PLSCR2: variants seen among roughly 807,000 people sequenced by gnomAD.
PLSCR2 encodes the protein PL scramblase 2.
In PLSCR2, 18 loss-of-function variants were observed where a neutral mutation model predicts 25.3. The observed-to-expected ratio is 0.71, with a 90% CI of 0.49 to 1.06. The LOEUF (loss-of-function observed/expected upper bound fraction) is 1.06. Ranked by LOEUF, PLSCR2 falls within the 50% of genes least tolerant of loss-of-function variation. The probability of loss-of-function intolerance (pLI) is 0.00; values close to 1 mark genes in which losing one functional copy is unlikely to be tolerated. For synonymous variants in PLSCR2, 88 were observed against 87.3 expected, an observed-to-expected ratio of 1.01 and a Z score of -0.04; for missense variants, 243 against 269.5, an observed-to-expected ratio of 0.90 and a Z score of 0.69.
intron 2 of PLSCR2, among the ~76,000 whole-genome samples, chr3:146,415,411 G>A (rs1404719320): frequency 2.6e-5 from 4 of 151,804 alleles, no homozygotes; most frequent in African/African-American, 7.3e-5. Context: ...GTTTTGTCTT[G>A]TCTCTATTGT....
rs1308599410 is a variant in PLSCR2, at chr3:146,483,472, T to C, written c.-293+12423A>G. Among the ~76,000 whole-genome samples the C allele has an allele frequency of 4.9e-4, 24 of 48,898 alleles. 1 individual carries two copies. Among genetic ancestry groups the C allele is most frequent in the South Asian group, 2.3e-3 (3 of 1,318 alleles). 32.1% of individuals were successfully genotyped at this position (48,898 alleles called of 152,430 possible). On this transcript the variant is annotated intron_variant, in intron 1 of 8. Coordinates refer to the PLSCR2 transcript ENST00000336685. ...ATGTATGTATATATATATATATATA[T>C]ACATGTGTATATATATATATATATA...
Position 146,406,168 on chromosome 3 carries a change from A to G in PLSCR2, c.101-10247T>C, listed in dbSNP as rs369549923. ...ATGAGAAGCACAAGTTATGGAATGA[A>G]GATGTGGTTGATCTCTTAGAGCAGG... On this transcript the variant is annotated intron_variant and NMD_transcript_variant, in intron 2 of 3. Coordinates refer to the PLSCR2 transcript ENST00000463633. Among the ~76,000 whole-genome samples, 4 of 152,342 alleles carry G rather than the reference A, an allele frequency of 2.6e-5. No homozygotes were observed. The East Asian group carries it at 5.8e-4, about 22-fold the overall frequency.
chr3:146,395,120 A>G (rs1050675403), intron 3 of PLSCR2, among the ~76,000 whole-genome samples: 1 of 152,196 alleles, frequency 6.6e-6, no homozygotes, highest in African/African-American at 2.4e-5. Flanking sequence ...TAATACAATG[A>G]CATTAAGTGA....
intron 1 of PLSCR2, among the ~76,000 whole-genome samples, chr3:146,474,002 T>C (rs1483940246): frequency 6.6e-6 from 1 of 152,222 alleles, no homozygotes; most frequent in Non-Finnish European, 1.5e-5. Context: ...TCCAGCCTCC[T>C]TTCTCTGTTA....
rs550373825 is a variant in PLSCR2 at position 146,408,519 on chromosome 3, T to A, written c.101-12598A>T. The stretch of plus-strand genomic sequence containing the variant: ...AGCTGCCTGTGTTGCTTGTTTCTGT[T>A]TTTTTTAAGAAAACTTTCGATTGTC... On this transcript the variant is annotated intron_variant and NMD_transcript_variant, in intron 2 of 3. Coordinates refer to the PLSCR2 transcript ENST00000463633. 4.6e-5 allele frequency among the ~76,000 whole-genome samples: 7 copies of A among 152,236 alleles called. No homozygotes were observed. In the East Asian group the frequency reaches 9.7e-4, roughly 21 times the overall value.
At chr3:146,479,371 G>T (rs990624206) in intron 1 of PLSCR2, among the ~76,000 whole-genome samples, 1 of 152,098 alleles carries the variant, frequency 6.6e-6, no homozygotes, top group Non-Finnish European at 1.5e-5. Context: ...GACACACATA[G>T]GCTCAAAATA....
At chr3:146,421,557 T>G (rs575951019) in intron 2 of PLSCR2, among the ~76,000 whole-genome samples, 27 of 152,206 alleles carry the variant, frequency 1.8e-4, no homozygotes, top group Non-Finnish European at 2.9e-4. Flanking sequence ...AATGGCTATC[T>G]GACAGGTAAG....
At chr3:146,455,274 A>C in exon 4 of PLSCR2, 1 of 1,614,042 alleles carries the variant, frequency 6.2e-7, no homozygotes, top group Non-Finnish European at 8.5e-7. Context: ...CAACAGTTAC[A>C]TCTTAGTGGT....
chr3:146,489,061 C>G lies in PLSCR2; in HGVS notation c.-293+6834G>C, dbSNP rs1000189877. The stretch of plus-strand genomic sequence containing the variant: ...AGCCATCATTCTCAGCAAACAAACA[C>G]AGGAGCAGAAAACCTAACACAGCTT... On this transcript the variant is annotated intron_variant, in intron 1 of 8. Transcript: ENST00000336685. Among the ~76,000 whole-genome samples, 6 of 152,060 alleles carry G rather than the reference C, an allele frequency of 3.9e-5. No homozygotes were observed. In the East Asian group the frequency reaches 1.2e-3, roughly 29 times the overall value.
intron 8 of PLSCR2, among the ~76,000 whole-genome samples, chr3:146,434,495 T>C (rs1187463245): frequency 6.6e-6 from 1 of 151,758 alleles, no homozygotes; most frequent in Non-Finnish European, 1.5e-5. Context: ...TGACATACTA[T>C]GCAACTAGTA....
downstream of PLSCR2, among the ~76,000 whole-genome samples, chr3:146,438,378 A>G (rs1167753717): frequency 3.9e-5 from 6 of 152,164 alleles, no homozygotes; most frequent in Non-Finnish European, 7.3e-5. Flanking sequence ...GTGGGGTGTT[A>G]AAGTCTCCCA....
intron 2 of PLSCR2, among the ~76,000 whole-genome samples, chr3:146,408,108 G>A (rs1053071772): frequency 6.6e-6 from 1 of 152,188 alleles, no homozygotes; most frequent in African/African-American, 2.4e-5. Flanking sequence ...GGAGCCGTAA[G>A]GGTTAAATTT....
At chr3:146,393,808 CAA>C (rs71849356) in intron 3 of PLSCR2, among the ~76,000 whole-genome samples, 43 of 123,732 alleles carry the variant, frequency 3.5e-4, no homozygotes, top group Non-Finnish European at 5.8e-4. Context: ...GACTCCGTCT[CAA>C]AAAAAAAAAA....
At chr3:146,483,859 C>G (rs1368120288) in intron 1 of PLSCR2, among the ~76,000 whole-genome samples, 4 of 151,830 alleles carry the variant, frequency 2.6e-5, no homozygotes, top group Non-Finnish European at 5.9e-5. Flanking sequence ...ACTAAAAATG[C>G]AAATGGCCAG....
intron 6 of PLSCR2, among the ~76,000 whole-genome samples, chr3:146,444,842 C>T (rs2108271627): frequency 6.6e-6 from 1 of 151,788 alleles, no homozygotes; most frequent in Admixed American, 6.6e-5. Context: ...TCCTTCTTTC[C>T]TTCCTTCCTG....
intron 1 of PLSCR2, among the ~76,000 whole-genome samples, chr3:146,475,780 C>T (rs1274307509): frequency 6.6e-6 from 1 of 152,104 alleles, no homozygotes; most frequent in Non-Finnish European, 1.5e-5. Flanking sequence ...AGATGATTTA[C>T]GGTATTGGCT....
chr3:146,460,941 C>G (rs1320171333), upstream of PLSCR2, among the ~76,000 whole-genome samples: 1 of 152,076 alleles, frequency 6.6e-6, no homozygotes, highest in Non-Finnish European at 1.5e-5. Context: ...CACAATTTGT[C>G]ACTCTTAGAT....
chr3:146,480,976 C>A (rs56023196), intron 1 of PLSCR2, among the ~76,000 whole-genome samples: 2 of 152,032 alleles, frequency 1.3e-5, no homozygotes, highest in African/African-American at 4.8e-5. Flanking sequence ...GAACCAATGA[C>A]AAAAAACACA....
intron 2 of PLSCR2, among the ~76,000 whole-genome samples, chr3:146,408,105 T>A (rs1425339602): frequency 6.6e-6 from 1 of 152,106 alleles, no homozygotes; most frequent in African/African-American, 2.4e-5. Context: ...TGAGGAGCCG[T>A]AAGGGTTAAA....
Sources: gnomAD v4.1 joint callset for allele counts (sites outside exome capture counted in the v4.1 genomes callset) on GRCh38, gnomAD v4.1.1 for gene constraint, MANE v1.5 for transcripts, NCBI Gene and HGNC (gene_info 2026-07-23, HGNC 2026-07-21) for gene names.